Variants in UGGT1 observed in about 807,000 individuals in gnomAD.
UGGT1 encodes UDP-glucose:glycoprotein glucosyltransferase 1.
UGGT1 carries 107 observed loss-of-function variants against 203.9 expected under a neutral mutation model. The ratio of observed to expected loss-of-function variants is 0.52; its 90% confidence interval spans 0.45 to 0.62. UGGT1 has a LOEUF of 0.62. Among genes scored for constraint, UGGT1 ranks in the 20% least tolerant of loss-of-function variants. The pLI is 0.00. For synonymous variants in UGGT1, 628 were observed against 653.5 expected, an observed-to-expected ratio of 0.96 and a Z score of 0.59; for missense variants, 1,673 against 1,867.2, an observed-to-expected ratio of 0.90 and a Z score of 1.92.
At chr2:128,159,429 C>A in intron 22 of UGGT1, 85 bp from the exon 23 acceptor site, 1 of 1,239,972 alleles carries the variant, frequency 8.1e-7, no homozygotes, top group Non-Finnish European at 1.2e-6. Flanking sequence ...TTATTTGCTA[C>A]TTATTGAACA....
chr2:128,094,736 C>CTTGTTTTT (rs1687028977), intron 1 of UGGT1, among the ~76,000 whole-genome samples: 1 of 84,636 alleles, frequency 1.2e-5, no homozygotes, highest in African/African-American at 5.7e-5. Context: ...TAAGAGAATG[C>CTTGTTTTT]TTTTTTTTTT....
rs759622830 is a variant in UGGT1, at chr2:128,183,763, C to A, written c.4333C>A (p.Pro1445Thr). The A allele has an allele frequency of 2.5e-6, 4 of 1,613,820 alleles. No individual in the cohort carries two copies. In the East Asian group the frequency reaches 6.7e-5, roughly 27 times the overall value. The change falls in exon 38 of 41, where the codon CCT (proline) becomes ACT (threonine). Residue 1445 changes from proline (P) to threonine (T), a missense_variant. Coordinates refer to ENST00000259253, the MANE Select transcript of UGGT1 (RefSeq NM_020120.4). ...ACAGTACCAAGGTCTGAGTCAGGAC[C>A]CTAACAGCCTTTCAAATCTTGATCA... The part of the protein sequence containing the change: ...RGQYQGLSQD[P>T]NSLSNLDQDL...
intron 26 of UGGT1, among the ~76,000 whole-genome samples, chr2:128,169,036 A>T: frequency 8.3e-6 from 1 of 120,400 alleles, no homozygotes; most frequent in South Asian, 2.9e-4. Flanking sequence ...TGAATGAGCG[A>T]GACTCTGTCT....
At chr2:128,119,755 AC>A (rs113984747) in intron 8 of UGGT1, among the ~76,000 whole-genome samples, 20,260 of 151,896 alleles carry the variant, frequency 0.13, 1,481 homozygotes, top group Non-Finnish European at 0.16. Flanking sequence ...CATACTTACA[AC>A]CCAGAATAGA....
chr2:128,171,648 CAGG>C (rs926776207), intron 28 of UGGT1, among the ~76,000 whole-genome samples: 10 of 152,268 alleles, frequency 6.6e-5, no homozygotes, highest in African/African-American at 2.4e-4. Context: ...GCTGGGATTA[CAGG>C]TGCACACTAC....
chr2:128,142,962 A>G lies in UGGT1; in HGVS notation c.1720-132A>G, dbSNP rs552703537. 42 of 984,244 alleles carry G rather than the reference A, an allele frequency of 4.3e-5. No individual in the cohort carries two copies. The South Asian group carries it at 8.0e-4, about 19-fold the overall frequency. 61.0% of individuals were successfully genotyped at this position (984,244 alleles called of 1,614,324 possible). The stretch of plus-strand genomic sequence containing the variant: ...GCCATTGCACTCCAACCTGGGTGAC[A>G]GCAAAACTCCGTCTCAAAAAAAAAA... On this transcript the variant is annotated intron_variant, in intron 16 of 40. Coordinates refer to ENST00000259253, the MANE Select transcript of UGGT1 (RefSeq NM_020120.4).
At chr2:128,164,425 G>A (rs1412570888) in intron 25 of UGGT1, among the ~76,000 whole-genome samples, 1 of 152,154 alleles carries the variant, frequency 6.6e-6, no homozygotes, top group African/African-American at 2.4e-5. Flanking sequence ...AAAGGACAAG[G>A]GAGAATGTAA....
intron 28 of UGGT1, among the ~76,000 whole-genome samples, chr2:128,172,153 A>T (rs1691137010): frequency 6.6e-6 from 1 of 152,134 alleles, no homozygotes; most frequent in Admixed American, 6.5e-5. Context: ...TAAAGAGAAA[A>T]ATGAGTCCTC....
intron 1 of UGGT1, among the ~76,000 whole-genome samples, chr2:128,094,771 C>T (rs13005535): frequency 0.36 from 42,481 of 116,676 alleles, 8,184 homozygotes; most frequent in Middle Eastern, 0.47. Flanking sequence ...TTTTTTGAGA[C>T]GGAGTCTCTC....
intron 12 of UGGT1, among the ~76,000 whole-genome samples, chr2:128,128,189 G>A (rs28680605): frequency 0.56 from 85,125 of 151,958 alleles, 24,066 homozygotes; most frequent in East Asian, 0.66. Context: ...AATTGCATTC[G>A]ATTGTCTTCA....
At position 128,169,048 on chromosome 2, in the gene UGGT1, TAAAAAAAAAAAAAAAA is replaced by T. The variant is rs544381740; in HGVS notation, c.2922-1212_2922-1197del. ...GGGTGAATGAGCGAGACTCTGTCTT[TAAAAAAAAAAAAAAAA>T]AAAAAAAAAAAAAAAAAAAAAAAAA... On this transcript the variant is annotated intron_variant, in intron 26 of 40. Coordinates refer to ENST00000259253, the MANE Select transcript of UGGT1 (RefSeq NM_020120.4). Among the ~76,000 whole-genome samples, 57 of 52,564 alleles carry T rather than the reference TAAAAAAAAAAAAAAAA, an allele frequency of 1.1e-3. 1 individual carries two copies. Among genetic ancestry groups the T allele is most frequent in the East Asian group, 6.0e-3 (10 of 1,676 alleles). The allele number at this position is 52,564 out of a possible 152,430, so 34.5% of individuals were successfully genotyped here.
intron 26 of UGGT1, among the ~76,000 whole-genome samples, chr2:128,168,562 A>G (rs1004856417): frequency 6.6e-6 from 1 of 152,230 alleles, no homozygotes; most frequent in Non-Finnish European, 1.5e-5. Context: ...TAACCACATT[A>G]TAGTATTGTT....
chr2:128,183,624 T>C (rs927023680), intron 37 of UGGT1, 51 bp from the exon 38 acceptor site: 1 of 1,412,036 alleles, frequency 7.1e-7, no homozygotes. Flanking sequence ...GGGTTTAGTT[T>C]TCCTGTCGTA....
Position 128,173,808 on chromosome 2 carries a change from G to A in UGGT1, c.3322G>A (p.Glu1108Lys). 1.2e-6 allele frequency: 2 copies of A among 1,614,144 alleles called. No individual in the cohort carries two copies. The highest frequency in any genetic ancestry group is 2.2e-5 in the East Asian group (1 of 44,884). Residue 1108 changes from glutamate to lysine, a missense_variant, in exon 30 of 41, where the codon GAG becomes AAG. Physicochemically the swap from Glu to Lys is moderately conservative, Grantham distance 56 (BLOSUM62 1). Transcript: ENST00000259253. Reference sequence around the variant, plus strand: ...GGACAGTGTAGTGGCTGCTGAGTATGAGCTGGAATACCTGTTACTGGAAGG... The same window carrying A: ...GGACAGTGTAGTGGCTGCTGAGTATAAGCTGGAATACCTGTTACTGGAAGG... ...EVDSVVAAEY[E>K]LEYLLLEGHC...
At chr2:128,119,589 T>A (rs1011166829) in intron 8 of UGGT1, among the ~76,000 whole-genome samples, 7 of 152,222 alleles carry the variant, frequency 4.6e-5, no homozygotes, top group Admixed American at 4.6e-4. Context: ...ACCCAGTAAC[T>A]ATGGTTAGCC....
intron 1 of UGGT1, among the ~76,000 whole-genome samples, chr2:128,096,778 G>C (rs1278488656): frequency 6.6e-6 from 1 of 152,120 alleles, no homozygotes; most frequent in Non-Finnish European, 1.5e-5. Flanking sequence ...ATCTATCTCA[G>C]CTTTATTTGC....
At chr2:128,110,885 G>A (rs1245671870) in intron 5 of UGGT1, among the ~76,000 whole-genome samples, 1 of 152,076 alleles carries the variant, frequency 6.6e-6, no homozygotes, top group Non-Finnish European at 1.5e-5. Flanking sequence ...ATTTCCTCCT[G>A]TTACAATAAG....
At chr2:128,186,857 C>T (rs530765116) in intron 39 of UGGT1, 58 bp downstream of exon 39, 10 of 1,172,400 alleles carry the variant, frequency 8.5e-6, no homozygotes, top group East Asian at 7.5e-5. Flanking sequence ...GAGTGAATCA[C>T]GATTAATGAT....
chr2:128,195,392 A>G lies in UGGT1; in HGVS notation c.*5650A>G, dbSNP rs1692468018. On this transcript the variant is annotated 3_prime_UTR_variant, in exon 41 of 41. Transcript: ENST00000259253. ...TTATCAAGTACCATGTTTTCCAACC[A>G]ACCAGTTATTCGTGGTAATAATAAA... 6.6e-6 allele frequency: 1 copy of G among 152,268 alleles called. No individual in the cohort carries two copies. Among genetic ancestry groups the G allele is most frequent in the African/African-American group, 2.4e-5 (1 of 41,476 alleles). The allele number at this position is 152,268 out of a possible 1,614,324, so 9.4% of individuals were successfully genotyped here. A position where few individuals can be genotyped will look rare whatever the true frequency, so the allele number is the denominator to read the frequency against.
Sources: gnomAD v4.1 joint callset for allele counts (sites outside exome capture counted in the v4.1 genomes callset) on GRCh38, gnomAD v4.1.1 for gene constraint, MANE v1.5 for transcripts, NCBI Gene and HGNC (gene_info 2026-07-23, HGNC 2026-07-21) for gene names.